Variants in FAM114A1 observed in about 807,000 individuals in gnomAD.
The protein encoded by FAM114A1 is family with sequence similarity 114 member A1.
In FAM114A1, 62 loss-of-function variants were observed where a neutral mutation model predicts 64.3. The observed-to-expected ratio is 0.96, with a 90% confidence interval of 0.79 to 1.19. The LOEUF (loss-of-function observed/expected upper bound fraction) is 1.19, where lower values mean the gene tolerates loss of function less well. Ranked by LOEUF, FAM114A1 falls within the 50% of genes most tolerant of loss-of-function variation. The pLI, the probability that FAM114A1 is intolerant of heterozygous loss-of-function variation, is 0.00. For missense variants in FAM114A1, 645 were observed against 676.3 expected (o/e 0.95, Z 0.51); for synonymous variants, 254 against 251.1 (o/e 1.01, Z -0.11).
Position 38,935,774 on chromosome 4 carries a change from C to CT in FAM114A1, c.1523dup (p.Leu508PhefsTer14), listed in dbSNP as rs1466382274. The CT allele has an allele frequency of 6.2e-7, 1 of 1,609,248 alleles. No individual in the cohort carries two copies. Among genetic ancestry groups the CT allele is most frequent in the Non-Finnish European group, 8.5e-7 (1 of 1,176,656 alleles). ...TCTTTATCAAAGAAGTTTACGAATT[C>CT]TTTAACCACTGTTGGGGTAAGATTA... On this transcript the variant is annotated frameshift_variant, in exon 13 of 15. Coordinates refer to ENST00000358869, the MANE Select transcript of FAM114A1 (RefSeq NM_138389.4). LOFTEE classifies it high-confidence loss of function.
At chr4:38,911,854 C>CTTTTTTTTTTTTTTTTTTTTTTT (rs1560313013) in intron 7 of FAM114A1, among the ~76,000 whole-genome samples, 4 of 94,434 alleles carry the variant, frequency 4.2e-5, no homozygotes, top group Non-Finnish European at 6.4e-5. Flanking sequence ...CTTTTTTTTT[C>CTTTTTTTTTTTTTTTTTTTTTTT]TTTTTTCTTT....
At chr4:38,923,676 C>T (rs1472719886) in intron 9 of FAM114A1, among the ~76,000 whole-genome samples, 5 of 152,128 alleles carry the variant, frequency 3.3e-5, no homozygotes, top group South Asian at 2.1e-4. Flanking sequence ...AGGTGTCCTA[C>T]GCTCTACCTA....
chr4:38,917,500 G>A (rs1026688903), intron 8 of FAM114A1, among the ~76,000 whole-genome samples: 4 of 152,170 alleles, frequency 2.6e-5, no homozygotes, highest in African/African-American at 9.7e-5. Context: ...GATAATCCAT[G>A]GAAAGCTAGT....
intron 12 of FAM114A1, among the ~76,000 whole-genome samples, chr4:38,932,968 C>T (rs140579078): frequency 0.012 from 1,871 of 152,040 alleles, 36 homozygotes; most frequent in African/African-American, 0.043. Context: ...ATTCTCCTGC[C>T]TCAGCCTCCC....
At chr4:38,936,226 G>T (rs1406850908) in intron 13 of FAM114A1, among the ~76,000 whole-genome samples, 5 of 151,636 alleles carry the variant, frequency 3.3e-5, no homozygotes, top group Non-Finnish European at 2.9e-5. Context: ...CCAAGTAGCT[G>T]GGACTACAGG....
Position 38,890,703 on chromosome 4 carries a change from G to T in FAM114A1, c.349-1040G>T, listed in dbSNP as rs559691221. ...CTACTTGAGTTAGGACTCATTGGTT[G>T]CAAGTAACAGAAACACGCATACCTG... On this transcript the variant is annotated intron_variant, in intron 3 of 14. Transcript: ENST00000358869. 3.9e-5 allele frequency among the ~76,000 whole-genome samples: 6 copies of T among 152,268 alleles called. No homozygotes were observed. The South Asian group carries it at 1.2e-3, about 32-fold the overall frequency.
chr4:38,920,990 G>C (rs1360597116), intron 8 of FAM114A1, among the ~76,000 whole-genome samples: 1 of 152,170 alleles, frequency 6.6e-6, no homozygotes, highest in African/African-American at 2.4e-5. Flanking sequence ...GCAACTTTTA[G>C]GAAAATGGTG....
At position 38,902,502 on chromosome 4, in the gene FAM114A1, C is replaced by T. The variant is rs1717610416; in HGVS notation, c.437-3020C>T. ...GAAATCCTCCACAAGACTCCTGACT[C>T]CTAAGTTTAAGGTATTTTCCATTTG... On this transcript the variant is annotated intron_variant, in intron 4 of 14. Coordinates refer to ENST00000358869, the MANE Select transcript of FAM114A1 (RefSeq NM_138389.4). Among the ~76,000 whole-genome samples, 3 of 152,276 alleles carry T rather than the reference C, an allele frequency of 2.0e-5. No individual in the cohort carries two copies. The South Asian group carries it at 6.2e-4, about 32-fold the overall frequency.
intron 7 of FAM114A1, among the ~76,000 whole-genome samples, chr4:38,912,241 G>A (rs762448862): frequency 2.0e-5 from 3 of 152,078 alleles, no homozygotes; most frequent in Non-Finnish European, 4.4e-5. Flanking sequence ...TAGCTTCTCT[G>A]TGTCAGGAAT....
At chr4:38,902,414 C>T (rs116379400) in intron 4 of FAM114A1, among the ~76,000 whole-genome samples, 5,810 of 152,134 alleles carry the variant, frequency 0.038, 149 homozygotes, top group Middle Eastern at 0.13. Flanking sequence ...AATGCACAGC[C>T]GCAGAGACTC....
intron 13 of FAM114A1, among the ~76,000 whole-genome samples, chr4:38,938,307 T>C (rs1190156905): frequency 6.6e-6 from 1 of 152,202 alleles, no homozygotes; most frequent in Non-Finnish European, 1.5e-5. Flanking sequence ...ATGACCATGG[T>C]ACTGGCTGTC....
At chr4:38,882,975 C>G (rs1715445396) in intron 3 of FAM114A1, among the ~76,000 whole-genome samples, 1 of 149,798 alleles carries the variant, frequency 6.7e-6, no homozygotes, top group Non-Finnish European at 1.5e-5. Flanking sequence ...TAAACTATCT[C>G]TATCTTTAGG....
chr4:38,875,331 C>T (rs1279511389), intron 2 of FAM114A1, among the ~76,000 whole-genome samples: 1 of 152,056 alleles, frequency 6.6e-6, no homozygotes, highest in Admixed American at 6.6e-5. Flanking sequence ...CCATTTGTGT[C>T]ATCTCTGATT....
chr4:38,891,709 A>G, intron 3 of FAM114A1, 34 bp from the exon 4 acceptor site: 2 of 1,561,862 alleles, frequency 1.3e-6, no homozygotes, highest in Non-Finnish European at 1.7e-6. Context: ...GATATACTGA[A>G]TTTCTGACCT....
rs184314550 is a variant in FAM114A1, at chr4:38,911,806, A to G, written c.792+3080A>G. 6.8e-5 allele frequency among the ~76,000 whole-genome samples: 10 copies of G among 146,060 alleles called. No individual in the cohort carries two copies. In the East Asian group the frequency reaches 2.0e-3, roughly 29 times the overall value. Reference sequence around the variant, plus strand: ...TATTTTTATCCTAGTGGCACAGGGAATACTCTTTCTTTTTCTTTCTTTCTT... The same window carrying G: ...TATTTTTATCCTAGTGGCACAGGGAGTACTCTTTCTTTTTCTTTCTTTCTT... On this transcript the variant is annotated intron_variant, in intron 7 of 14. Coordinates refer to ENST00000358869, the MANE Select transcript of FAM114A1 (RefSeq NM_138389.4).
At chr4:38,936,616 A>G (rs1424141151) in intron 13 of FAM114A1, among the ~76,000 whole-genome samples, 1 of 147,228 alleles carries the variant, frequency 6.8e-6, no homozygotes, top group Non-Finnish European at 1.5e-5. Flanking sequence ...GCAGTGGCAC[A>G]ATATCGGCTC....
chr4:38,939,899 T>TA (rs1347133023), intron 13 of FAM114A1, among the ~76,000 whole-genome samples: 1 of 150,894 alleles, frequency 6.6e-6, no homozygotes, highest in Non-Finnish European at 1.5e-5. Context: ...TTTTTTTTTT[T>TA]TTTTTGTTAG....
intron 4 of FAM114A1, among the ~76,000 whole-genome samples, chr4:38,898,869 T>C (rs1477865828): frequency 2.0e-5 from 3 of 150,892 alleles, no homozygotes; most frequent in Admixed American, 2.0e-4. Context: ...TGAACTCATC[T>C]ATAGAAGAGT....
chr4:38,923,083 G>A (rs1001139637), intron 9 of FAM114A1, among the ~76,000 whole-genome samples, 190 bp downstream of exon 9: 26 of 152,126 alleles, frequency 1.7e-4, no homozygotes, highest in African/African-American at 4.3e-4. Context: ...TTCACTGGTC[G>A]GGAACTCCTA....
Sources: gnomAD v4.1 joint callset for allele counts (sites outside exome capture counted in the v4.1 genomes callset) on GRCh38, gnomAD v4.1.1 for gene constraint, MANE v1.5 for transcripts, NCBI Gene and HGNC (gene_info 2026-07-23, HGNC 2026-07-21) for gene names.